ESYT2: variants seen among roughly 807,000 people sequenced by gnomAD.
ESYT2 encodes extended synaptotagmin-2.
A neutral mutation model predicts 107.2 loss-of-function variants in ESYT2; 54 were observed. That is an observed-to-expected ratio of 0.50 (90% CI 0.40 to 0.63). The LOEUF (loss-of-function observed/expected upper bound fraction) is 0.63, where lower values mean the gene tolerates loss of function less well. Among genes scored for constraint, ESYT2 ranks in the 30% least tolerant of loss-of-function variants. ESYT2 has a pLI of 0.00. For missense variants in ESYT2, 1,020 were observed against 1,094.5 expected, an observed-to-expected ratio of 0.93 and a Z score of 0.96; for synonymous variants, 491 against 434.1, an observed-to-expected ratio of 1.13 and a Z score of -1.63.
intron 1 of ESYT2, among the ~76,000 whole-genome samples, chr7:158,823,294 CAA>C (rs1173735798): frequency 0.25 from 7,400 of 29,490 alleles, 277 homozygotes; most frequent in East Asian, 0.49. Context: ...GACTCTGTCT[CAA>C]AAAAAAAAAA....
intron 4 of ESYT2, among the ~76,000 whole-genome samples, chr7:158,788,639 C>A (rs985171412): frequency 2.6e-5 from 4 of 152,042 alleles, no homozygotes; most frequent in Admixed American, 2.6e-4. Context: ...GGGAGGAATA[C>A]TCTCAATCAA....
intron 4 of ESYT2, among the ~76,000 whole-genome samples, chr7:158,792,577 A>AATAT (rs35338776): frequency 1.3e-5 from 2 of 149,036 alleles, no homozygotes; most frequent in African/African-American, 2.5e-5. Flanking sequence ...CATATATATA[A>AATAT]ATATATATAT....
intron 1 of ESYT2, among the ~76,000 whole-genome samples, chr7:158,811,615 C>T (rs1277769659): frequency 1.3e-5 from 2 of 152,226 alleles, no homozygotes; most frequent in Non-Finnish European, 2.9e-5. Context: ...CACACACCTG[C>T]AAACACTGGA....
chr7:158,734,680 C>T (rs1241953878), intron 21 of ESYT2, among the ~76,000 whole-genome samples: 1 of 152,238 alleles, frequency 6.6e-6, no homozygotes, highest in African/African-American at 2.4e-5. Context: ...GTCCCAGCAA[C>T]TCGGGAGGCT....
intron 17 of ESYT2, 51 bp from the exon 18 acceptor site, chr7:158,741,947 C>T: frequency 6.6e-7 from 1 of 1,505,742 alleles, no homozygotes; most frequent in Non-Finnish European, 8.9e-7. Context: ...CTGGTAACAT[C>T]CTAATACTGG....
rs145443093 is a variant in ESYT2 at position 158,825,018 on chromosome 7, C to T, written c.330+4071G>A. Among the ~76,000 whole-genome samples the T allele has an allele frequency of 9.6e-3, 1,462 of 152,236 alleles. 16 individuals are homozygous for T. Among genetic ancestry groups the T allele is most frequent in the Non-Finnish European group, 0.014 (980 of 68,014 alleles). ...TCTTTAAAAAACAAAAAAGGCTGGG[C>T]GCGGTGGTTCATGCCTGTAATCCCA... On this transcript the variant is annotated intron_variant, in intron 1 of 22. Coordinates refer to ENST00000275418, the MANE Select transcript of ESYT2 (RefSeq NM_001367773.1).
chr7:158,809,499 C>CAAAAAAAAAA (rs1839934303), intron 1 of ESYT2, among the ~76,000 whole-genome samples: 5 of 108,580 alleles, frequency 4.6e-5, no homozygotes, highest in Admixed American at 8.7e-5. Context: ...AAAAAAAAAC[C>CAAAAAAAAAA]AGGGGGGATG....
At chr7:158,818,477 A>G (rs1046310723) in intron 1 of ESYT2, among the ~76,000 whole-genome samples, 17 of 152,248 alleles carry the variant, frequency 1.1e-4, no homozygotes, top group Non-Finnish European at 2.1e-4. Context: ...ACCACGGTGG[A>G]ACAGAAACAA....
chr7:158,817,216 C>T (rs1476738984), intron 1 of ESYT2, among the ~76,000 whole-genome samples: 1 of 152,196 alleles, frequency 6.6e-6, no homozygotes, highest in East Asian at 1.9e-4. Flanking sequence ...TACCATGACA[C>T]AGACTTAAGA....
At chr7:158,752,232 G>GTGGATGTC (rs959563001) in intron 14 of ESYT2, among the ~76,000 whole-genome samples, 5 of 152,100 alleles carry the variant, frequency 3.3e-5, no homozygotes, top group African/African-American at 1.2e-4. Context: ...GAGCACACAC[G>GTGGATGTC]TGGATGTCAT....
intron 7 of ESYT2, among the ~76,000 whole-genome samples, chr7:158,772,686 G>C (rs1563642184): frequency 6.6e-6 from 1 of 152,120 alleles, no homozygotes; most frequent in Non-Finnish European, 1.5e-5. Context: ...TTGTCTCTAA[G>C]CAGGGATGCA....
In ESYT2 at chr7:158,738,948, G is replaced by A; in HGVS notation, c.2267+75C>T. ...AAATGGATGTTTGGAAATCCTAAAG[G>A]CGGTGTCTACATCATCCTATCCAGC... On this transcript the variant is annotated intron_variant, in intron 19 of 22. Transcript: ENST00000275418. 3 of 1,354,380 alleles carry A rather than the reference G, an allele frequency of 2.2e-6. No homozygotes were observed. In the Admixed American group the frequency reaches 5.5e-5, roughly 25 times the overall value. 83.9% of individuals were successfully genotyped at this position (1,354,380 alleles called of 1,614,324 possible). A position where few individuals can be genotyped will look rare whatever the true frequency, so the allele number is the denominator to read the frequency against.
At chr7:158,748,888 T>C (rs1837494292) in intron 15 of ESYT2, among the ~76,000 whole-genome samples, 1 of 151,292 alleles carries the variant, frequency 6.6e-6, no homozygotes, top group African/African-American at 2.4e-5. Context: ...CCCAGCTAAT[T>C]TTTTTTCTCC....
intron 6 of ESYT2, among the ~76,000 whole-genome samples, chr7:158,774,172 T>C (rs1352065386): frequency 5.3e-5 from 8 of 152,236 alleles, no homozygotes; most frequent in Non-Finnish European, 1.2e-4. Flanking sequence ...AATTGCATGA[T>C]CTCAATCACC....
rs959477869 is a variant in ESYT2 at position 158,788,214 on chromosome 7, C to T, written c.658-121G>A. 4.3e-6 allele frequency: 5 copies of T among 1,158,512 alleles called. No homozygotes were observed. In the African/African-American group the frequency reaches 6.3e-5, roughly 15 times the overall value. The allele number at this position is 1,158,512 out of a possible 1,614,324, so 71.8% of individuals were successfully genotyped here. ...GCATGTGACTTCTTATTTATCTCAACTATGACCTACAGCTAAAAACTGAAC... is the reference window on the plus strand; with the variant it reads ...GCATGTGACTTCTTATTTATCTCAATTATGACCTACAGCTAAAAACTGAAC... On this transcript the variant is annotated intron_variant, in intron 5 of 22. Coordinates refer to ENST00000275418, the MANE Select transcript of ESYT2 (RefSeq NM_001367773.1).
At chr7:158,746,803 T>C (rs1393052139) in intron 16 of ESYT2, among the ~76,000 whole-genome samples, 5 of 152,070 alleles carry the variant, frequency 3.3e-5, no homozygotes, top group Admixed American at 2.6e-4. Context: ...GAAGCAGAAG[T>C]GGGAACATCG....
intron 1 of ESYT2, among the ~76,000 whole-genome samples, chr7:158,800,550 C>A (rs561416418): frequency 6.6e-6 from 1 of 152,104 alleles, no homozygotes; most frequent in Admixed American, 6.5e-5. Flanking sequence ...CATGTGCCAA[C>A]TGGCTAATTT....
chr7:158,770,780 G>A (rs946369399), intron 7 of ESYT2, among the ~76,000 whole-genome samples: 3 of 152,148 alleles, frequency 2.0e-5, no homozygotes, highest in East Asian at 3.8e-4. Context: ...CTCCCAAAGT[G>A]CTGGGATTAC....
chr7:158,786,160 G>T (rs1335776572), intron 6 of ESYT2, among the ~76,000 whole-genome samples: 1 of 152,104 alleles, frequency 6.6e-6, no homozygotes, highest in Non-Finnish European at 1.5e-5. Context: ...AAGTTAATAC[G>T]TTATTTTAAA....
Sources: gnomAD v4.1 joint callset for allele counts (sites outside exome capture counted in the v4.1 genomes callset) on GRCh38, gnomAD v4.1.1 for gene constraint, MANE v1.5 for transcripts, NCBI Gene and HGNC (gene_info 2026-07-23, HGNC 2026-07-21) for gene names.